CDK5RAP2: variants seen among roughly 807,000 people sequenced by gnomAD.
CDK5RAP2 encodes the protein CDK5 regulatory subunit associated protein 2, also known as CDK5 regulatory subunit-associated protein 2.
In CDK5RAP2, 147 loss-of-function variants were observed where a neutral mutation model predicts 232.9. The ratio of observed to expected loss-of-function variants is 0.63; its 90% CI spans 0.55 to 0.72. The LOEUF (loss-of-function observed/expected upper bound fraction) is 0.72. Among genes scored for constraint, CDK5RAP2 ranks in the 30% least tolerant of loss-of-function variants. The pLI is 0.00. For synonymous variants in CDK5RAP2, 833 were observed against 833.7 expected, an observed-to-expected ratio of 1.00 and a Z score of 0.01; for missense variants, 2,195 against 2,231.5, an observed-to-expected ratio of 0.98 and a Z score of 0.33.
intron 12 of CDK5RAP2, among the ~76,000 whole-genome samples, chr9:120,514,086 A>G (rs1458088224): frequency 2.0e-5 from 3 of 152,234 alleles, no homozygotes. Flanking sequence ...TATAAGCAAA[A>G]GTTAACTAGA....
intron 20 of CDK5RAP2, among the ~76,000 whole-genome samples, chr9:120,457,529 A>G (rs1045433917): frequency 6.6e-6 from 1 of 152,216 alleles, no homozygotes; most frequent in East Asian, 1.9e-4. Flanking sequence ...CAAGCTAGAA[A>G]AATATTGGAC....
chr9:120,499,849 T>C (rs897554596), intron 12 of CDK5RAP2, among the ~76,000 whole-genome samples: 1 of 152,238 alleles, frequency 6.6e-6, no homozygotes. Flanking sequence ...TCTGCAGCCC[T>C]AATTTTTATA....
chr9:120,517,893 C>CA (rs748203571), intron 12 of CDK5RAP2: 146 of 327,520 alleles, frequency 4.5e-4, no homozygotes, highest in South Asian at 6.5e-4. Flanking sequence ...GACCCTGTCT[C>CA]AAAAAAAACA....
intron 14 of CDK5RAP2, among the ~76,000 whole-genome samples, chr9:120,478,927 T>C (rs781414123): frequency 1.3e-5 from 2 of 152,246 alleles, no homozygotes; most frequent in Non-Finnish European, 2.9e-5. Flanking sequence ...CATTTCACAA[T>C]GTATATATAT....
intron 25 of CDK5RAP2, among the ~76,000 whole-genome samples, chr9:120,423,876 C>T (rs1385286278): frequency 1.3e-5 from 2 of 152,242 alleles, no homozygotes; most frequent in Non-Finnish European, 2.9e-5. Flanking sequence ...TTCCCACCTA[C>T]AAACTCACAC....
intron 12 of CDK5RAP2, among the ~76,000 whole-genome samples, chr9:120,511,973 G>A (rs1284075712): frequency 5.3e-5 from 8 of 152,026 alleles, no homozygotes; most frequent in Admixed American, 5.2e-4. Context: ...CCTCACCTCA[G>A]GTGATCCACC....
chr9:120,498,276 T>G (rs1049007095), intron 12 of CDK5RAP2, among the ~76,000 whole-genome samples: 1 of 152,132 alleles, frequency 6.6e-6, no homozygotes, highest in Non-Finnish European at 1.5e-5. Context: ...CTTTTCTCAT[T>G]CCTTTGACTC....
chr9:120,417,266 C>G (rs1216908695), intron 27 of CDK5RAP2, among the ~76,000 whole-genome samples: 1 of 151,528 alleles, frequency 6.6e-6, no homozygotes, highest in Non-Finnish European at 1.5e-5. Flanking sequence ...ACTCTAGGTG[C>G]CCAGGCATTG....
intron 28 of CDK5RAP2, among the ~76,000 whole-genome samples, chr9:120,413,993 G>C (rs918942787): frequency 1.3e-5 from 2 of 152,236 alleles, no homozygotes; most frequent in African/African-American, 4.8e-5. Flanking sequence ...AAGGACTCGG[G>C]TGCTGCTGCC....
At chr9:120,461,143 G>A (rs2490596) in intron 18 of CDK5RAP2, among the ~76,000 whole-genome samples, 3,927 of 152,322 alleles carry the variant, frequency 0.026, 154 homozygotes, top group African/African-American at 0.086. Flanking sequence ...TCTATTTAGC[G>A]CAAGGCATAA....
At chr9:120,461,630 C>A (rs2037093452) in intron 18 of CDK5RAP2, among the ~76,000 whole-genome samples, 1 of 152,164 alleles carries the variant, frequency 6.6e-6, no homozygotes, top group Admixed American at 6.5e-5. Flanking sequence ...TGCTTGAGTC[C>A]AGCAGTTCAA....
chr9:120,499,950 G>A (rs778111643), intron 12 of CDK5RAP2, among the ~76,000 whole-genome samples: 5 of 152,086 alleles, frequency 3.3e-5, no homozygotes, highest in Non-Finnish European at 7.4e-5. Flanking sequence ...ATTAATTAAT[G>A]ATAACATAAA....
chr9:120,500,125 A>C (rs375095880), intron 12 of CDK5RAP2, among the ~76,000 whole-genome samples: 111 of 152,340 alleles, frequency 7.3e-4, no homozygotes, highest in Middle Eastern at 3.4e-3. Flanking sequence ...AAGGCGGGAC[A>C]GGTGGCGAGG....
intron 14 of CDK5RAP2, among the ~76,000 whole-genome samples, chr9:120,479,264 T>C (rs1361191576): frequency 6.6e-6 from 1 of 152,040 alleles, no homozygotes; most frequent in Non-Finnish European, 1.5e-5. Context: ...TGATGACTAA[T>C]AAATGTAAAA....
chr9:120,453,661 A>G lies in CDK5RAP2; in HGVS notation c.2588T>C (p.Val863Ala). ...GGCATCTTTCAGTCCTACCTTGGGCACTTCGCCTGCCTTTACTAGCTGGGC... is the reference window on the plus strand; with the variant it reads ...GGCATCTTTCAGTCCTACCTTGGGCGCTTCGCCTGCCTTTACTAGCTGGGC... ...CEAQLVKAGE[V>A]PKVGLKDASV... The change falls in exon 21 of 38, where the codon GTG (valine) becomes GCG (alanine). Residue 863 changes from valine to alanine, a missense_variant. Physicochemically the swap from Val to Ala is moderately conservative, Grantham distance 64 (BLOSUM62 0). Coordinates refer to ENST00000349780, the MANE Select transcript of CDK5RAP2 (RefSeq NM_018249.6). 6.2e-7 allele frequency: 1 copy of G among 1,614,204 alleles called. No homozygotes were observed. Among genetic ancestry groups the G allele is most frequent in the Non-Finnish European group, 8.5e-7 (1 of 1,180,032 alleles).
chr9:120,458,281 G>C (rs890603845), intron 20 of CDK5RAP2, among the ~76,000 whole-genome samples, 169 bp downstream of exon 20: 1 of 152,180 alleles, frequency 6.6e-6, no homozygotes, highest in Non-Finnish European at 1.5e-5. Context: ...ACAGCCACTA[G>C]CATGCAGCCT....
intron 1 of CDK5RAP2, among the ~76,000 whole-genome samples, chr9:120,575,208 C>G (rs1165323889): frequency 6.6e-6 from 1 of 152,110 alleles, no homozygotes; most frequent in African/African-American, 2.4e-5. Context: ...TGCACCACCA[C>G]GCCCGGCTAA....
At chr9:120,431,016 A>T (rs1293010860) in intron 25 of CDK5RAP2, among the ~76,000 whole-genome samples, 1 of 152,186 alleles carries the variant, frequency 6.6e-6, no homozygotes, top group Non-Finnish European at 1.5e-5. Flanking sequence ...ACAAGGACAA[A>T]AAACCAAACA....
intron 14 of CDK5RAP2, 42 bp downstream of exon 14, chr9:120,487,252 G>A (rs1441248677): frequency 2.5e-6 from 4 of 1,607,078 alleles, no homozygotes; most frequent in Admixed American, 3.3e-5. Flanking sequence ...AAAAGTGTAT[G>A]AATCCATTCG....
Sources: gnomAD v4.1 joint callset for allele counts (sites outside exome capture counted in the v4.1 genomes callset) on GRCh38, gnomAD v4.1.1 for gene constraint, MANE v1.5 for transcripts, NCBI Gene and HGNC (gene_info 2026-07-23, HGNC 2026-07-21) for gene names.